ROBO1: variants seen among roughly 807,000 people sequenced by gnomAD.
The protein encoded by ROBO1 is roundabout guidance receptor 1.
ROBO1 carries 149 observed loss-of-function variants against 195.9 expected under a neutral mutation model. The observed-to-expected ratio is 0.76, with a 90% CI of 0.67 to 0.87. The LOEUF is 0.87. Ranked by LOEUF, ROBO1 falls within the 40% of genes least tolerant of loss-of-function variation. ROBO1 has a pLI of 0.00. For synonymous variants in ROBO1, 816 were observed against 733.2 expected (o/e 1.11, Z -1.82); for missense variants, 1,933 against 2,068.3 (o/e 0.93, Z 1.27).
At chr3:78,977,642 T>A (rs922539509) in intron 3 of ROBO1, among the ~76,000 whole-genome samples, 20 of 151,162 alleles carry the variant, frequency 1.3e-4, no homozygotes, top group Non-Finnish European at 4.4e-5. Flanking sequence ...TAAGCTACAC[T>A]GAAAAGAAAT....
At chr3:79,421,661 T>C (rs1185416835) in intron 2 of ROBO1, among the ~76,000 whole-genome samples, 2 of 152,154 alleles carry the variant, frequency 1.3e-5, no homozygotes, top group Admixed American at 6.6e-5. Context: ...TTTGCCTTAG[T>C]TTCCTGCTCT....
intron 1 of ROBO1, among the ~76,000 whole-genome samples, chr3:79,712,712 A>C (rs73849822): frequency 6.6e-6 from 1 of 152,104 alleles, no homozygotes; most frequent in Non-Finnish European, 1.5e-5. Context: ...TAGGACTTTC[A>C]TAGCTAGAGA....
intron 5 of ROBO1, among the ~76,000 whole-genome samples, chr3:78,718,924 T>C (rs2081977016): frequency 6.8e-6 from 1 of 146,386 alleles, no homozygotes; most frequent in Non-Finnish European, 1.5e-5. Context: ...TTCTAGCACA[T>C]TTTTTTCATA....
chr3:79,144,710 T>C (rs2080607935), intron 2 of ROBO1, among the ~76,000 whole-genome samples: 1 of 151,982 alleles, frequency 6.6e-6, no homozygotes. Context: ...GAAAAATATA[T>C]AGTTGATATT....
chr3:79,398,442 G>A (rs12496262), intron 2 of ROBO1, among the ~76,000 whole-genome samples: 50,488 of 151,970 alleles, frequency 0.33, 9,869 homozygotes, highest in Admixed American at 0.48. Context: ...GGCTGATACT[G>A]ATATAGGTGT....
chr3:79,387,650 A>G (rs2036801926), intron 2 of ROBO1, among the ~76,000 whole-genome samples: 1 of 151,746 alleles, frequency 6.6e-6, no homozygotes, highest in Non-Finnish European at 1.5e-5. Context: ...ATACATTTAC[A>G]TATTTTGTAA....
intron 4 of ROBO1, among the ~76,000 whole-genome samples, chr3:78,811,885 A>G (rs1423366519): frequency 6.6e-6 from 1 of 152,086 alleles, no homozygotes; most frequent in Non-Finnish European, 1.5e-5. Flanking sequence ...GGTGAGGCAA[A>G]TCTCATTTGT....
At chr3:78,931,624 T>G (rs117528671) in intron 4 of ROBO1, among the ~76,000 whole-genome samples, 1 of 152,116 alleles carries the variant, frequency 6.6e-6, no homozygotes. Context: ...TTTAACCATG[T>G]TTTATTCTAA....
At chr3:79,151,493 C>G (rs1010287129) in intron 2 of ROBO1, among the ~76,000 whole-genome samples, 1 of 151,278 alleles carries the variant, frequency 6.6e-6, no homozygotes, top group African/African-American at 2.4e-5. Flanking sequence ...TCACCTGGAC[C>G]ATGTCAATAG....
intron 4 of ROBO1, among the ~76,000 whole-genome samples, chr3:78,878,122 A>C (rs1032369535): frequency 6.6e-6 from 1 of 152,100 alleles, no homozygotes; most frequent in Admixed American, 6.6e-5. Context: ...GCTCTTGTTT[A>C]AAATACCAAG....
intron 3 of ROBO1, among the ~76,000 whole-genome samples, chr3:79,080,577 A>T (rs1446742326): frequency 1.3e-5 from 2 of 152,116 alleles, no homozygotes; most frequent in African/African-American, 2.4e-5. Context: ...AAAAATGCAT[A>T]AAAATGGACA....
chr3:78,778,294 T>TA (rs2083566553), intron 4 of ROBO1, among the ~76,000 whole-genome samples: 1 of 152,204 alleles, frequency 6.6e-6, no homozygotes, highest in Admixed American at 6.5e-5. Flanking sequence ...CCTGAAATTT[T>TA]CTTTTTTTGT....
At chr3:79,749,192 A>G (rs1360538153) in intron 1 of ROBO1, among the ~76,000 whole-genome samples, 2 of 152,196 alleles carry the variant, frequency 1.3e-5, no homozygotes, top group East Asian at 3.9e-4. Flanking sequence ...TTGCAAAGAG[A>G]CTGGTGACAT....
chr3:79,186,579 C>T (rs1304535502), intron 2 of ROBO1, among the ~76,000 whole-genome samples: 2 of 152,042 alleles, frequency 1.3e-5, no homozygotes, highest in Non-Finnish European at 2.9e-5. Context: ...GGTCATTCAC[C>T]ACATATTCTG....
chr3:79,693,440 T>C (rs1311550546), intron 1 of ROBO1, among the ~76,000 whole-genome samples: 1 of 151,350 alleles, frequency 6.6e-6, no homozygotes, highest in African/African-American at 2.4e-5. Context: ...TTTTTGTTTG[T>C]TTGTTTTGAC....
chr3:78,899,411 GTTAT>G (rs2037449701), intron 4 of ROBO1, among the ~76,000 whole-genome samples: 1 of 152,140 alleles, frequency 6.6e-6, no homozygotes, highest in African/African-American at 2.4e-5. Context: ...ATGGTAAATA[GTTAT>G]TTCTTTGCAA....
At chr3:78,939,343 G>A (rs150976319) in intron 3 of ROBO1, among the ~76,000 whole-genome samples, 3,326 of 152,100 alleles carry the variant, frequency 0.022, 69 homozygotes, top group Non-Finnish European at 0.028. Flanking sequence ...GGCCCGGCGC[G>A]GGGGCTCACG....
chr3:79,277,360 G>A (rs1450542814), intron 2 of ROBO1, among the ~76,000 whole-genome samples: 1 of 152,050 alleles, frequency 6.6e-6, no homozygotes, highest in Non-Finnish European at 1.5e-5. Context: ...AGTGAAGTAA[G>A]CCAGGCACAG....
chr3:78,670,797 A>G (rs1248074865), intron 10 of ROBO1, among the ~76,000 whole-genome samples: 1 of 152,238 alleles, frequency 6.6e-6, no homozygotes, highest in African/African-American at 2.4e-5. Flanking sequence ...TTTTGGATCC[A>G]AAAAAGTGCA....
Sources: allele counts gnomAD v4.1 joint callset (sites outside exome capture counted in the v4.1 genomes callset), GRCh38; gene constraint gnomAD v4.1.1; transcripts MANE v1.5; gene names NCBI Gene and HGNC (gene_info 2026-07-23, HGNC 2026-07-21).